CNTNAP5: variants seen among roughly 807,000 people sequenced by gnomAD.
CNTNAP5 encodes contactin-associated protein-like 5.
Under a neutral mutation model 150.2 loss-of-function variants are expected in CNTNAP5, and 72 were observed. The observed-to-expected ratio is 0.48, with a 90% confidence interval of 0.40 to 0.58. The LOEUF is 0.58. Ranked by LOEUF, CNTNAP5 falls within the 20% of genes least tolerant of loss-of-function variation. CNTNAP5 has a pLI of 0.00. For missense variants in CNTNAP5, 1,636 were observed against 1,626.2 expected (o/e 1.01, Z -0.10); for synonymous variants, 672 against 619.8 (o/e 1.08, Z -1.25).
chr2:124,285,006 C>G (rs1188366331), intron 3 of CNTNAP5, among the ~76,000 whole-genome samples: 1 of 152,154 alleles, frequency 6.6e-6, no homozygotes, highest in East Asian at 1.9e-4. Flanking sequence ...CAGCCTCAAT[C>G]TCCTCGGCTC....
intron 3 of CNTNAP5, among the ~76,000 whole-genome samples, chr2:124,298,090 A>T (rs906051932): frequency 4.6e-4 from 70 of 152,090 alleles, no homozygotes; most frequent in African/African-American, 1.6e-3. Context: ...TGATCTGCCC[A>T]TCTCAGCCTC....
chr2:124,129,408 G>T (rs1318778955), intron 1 of CNTNAP5, among the ~76,000 whole-genome samples: 1 of 152,116 alleles, frequency 6.6e-6, no homozygotes, highest in Non-Finnish European at 1.5e-5. Flanking sequence ...GCTAAGAACT[G>T]TGTGGCCAAG....
intron 3 of CNTNAP5, among the ~76,000 whole-genome samples, chr2:124,302,036 G>A (rs1422562664): frequency 6.6e-6 from 1 of 152,144 alleles, no homozygotes; most frequent in Non-Finnish European, 1.5e-5. Flanking sequence ...CCCTAAGATG[G>A]CATACACAGA....
chr2:124,184,625 CAACCTATTA>C (rs1304873833), intron 1 of CNTNAP5, among the ~76,000 whole-genome samples: 1 of 152,156 alleles, frequency 6.6e-6, no homozygotes, highest in Non-Finnish European at 1.5e-5. Flanking sequence ...ATTCAAGGGA[CAACCTATTA>C]AAATCTGCAT....
At chr2:124,664,843 T>C (rs1404325266) in intron 13 of CNTNAP5, among the ~76,000 whole-genome samples, 5 of 152,168 alleles carry the variant, frequency 3.3e-5, no homozygotes, top group Admixed American at 6.5e-5. Flanking sequence ...TGTGCCACCA[T>C]GCCCACCTCA....
intron 1 of CNTNAP5, among the ~76,000 whole-genome samples, chr2:124,217,279 C>A (rs1170605): frequency 1.6e-4 from 24 of 152,078 alleles, no homozygotes; most frequent in African/African-American, 5.1e-4. Flanking sequence ...TTTCTTCACC[C>A]CTTCTTCTTT....
At chr2:124,280,118 A>C (rs528640460) in intron 3 of CNTNAP5, among the ~76,000 whole-genome samples, 2 of 151,972 alleles carry the variant, frequency 1.3e-5, no homozygotes, top group South Asian at 4.2e-4. Context: ...TTTCTGTTTA[A>C]ACATCTCAGC....
Position 124,109,088 on chromosome 2 carries a change from T to G in CNTNAP5, c.82+83356T>G, listed in dbSNP as rs148943493. 3.6e-3 allele frequency among the ~76,000 whole-genome samples: 555 copies of G among 152,302 alleles called. 2 individuals are homozygous for G. Among genetic ancestry groups the G allele is most frequent in the African/African-American group, 0.013 (535 of 41,568 alleles). ...TGTGAGGTCTTCAATCACGGGCAGC[T>G]TCCTGAGCCGGCAGCCAGTGAGGTC... is the stretch of plus-strand genomic sequence containing the variant. On this transcript the variant is annotated intron_variant, in intron 1 of 23. Transcript: ENST00000682447.
intron 13 of CNTNAP5, among the ~76,000 whole-genome samples, chr2:124,684,667 A>G (rs1679151501): frequency 6.6e-6 from 1 of 152,216 alleles, no homozygotes; most frequent in African/African-American, 2.4e-5. Flanking sequence ...CTTGCGGAGT[A>G]GTCTTGTGAT....
chr2:124,264,371 C>A (rs1687544271), intron 3 of CNTNAP5, among the ~76,000 whole-genome samples: 1 of 54,688 alleles, frequency 1.8e-5, no homozygotes, highest in African/African-American at 6.4e-5. Flanking sequence ...CCCACACACA[C>A]AGGCACACAC....
At chr2:124,315,270 G>A (rs748139654) in intron 3 of CNTNAP5, among the ~76,000 whole-genome samples, 37 of 152,074 alleles carry the variant, frequency 2.4e-4, no homozygotes, top group Admixed American at 7.2e-4. Flanking sequence ...CCCCTAATAC[G>A]CCTTTCTGTC....
intron 19 of CNTNAP5, among the ~76,000 whole-genome samples, chr2:124,850,018 TA>T (rs1683123546): frequency 6.6e-6 from 1 of 152,146 alleles, no homozygotes; most frequent in Admixed American, 6.6e-5. Context: ...CCAACCCAAT[TA>T]AACAGACCTA....
chr2:124,856,609 T>C (rs1412598293), intron 19 of CNTNAP5, among the ~76,000 whole-genome samples: 1 of 152,174 alleles, frequency 6.6e-6, no homozygotes, highest in Non-Finnish European at 1.5e-5. Context: ...GCATTTTATT[T>C]GGACTTTTAG....
intron 1 of CNTNAP5, among the ~76,000 whole-genome samples, chr2:124,071,184 A>G (rs1682294595): frequency 6.6e-6 from 1 of 151,968 alleles, no homozygotes; most frequent in African/African-American, 2.4e-5. Flanking sequence ...TATGGAATAC[A>G]GTGAAACCAT....
intron 3 of CNTNAP5, among the ~76,000 whole-genome samples, chr2:124,246,261 G>A (rs931706142): frequency 1.3e-5 from 2 of 152,016 alleles, no homozygotes; most frequent in South Asian, 4.1e-4. Flanking sequence ...TGCAATGTAC[G>A]GTAGCAATTT....
At chr2:124,321,393 A>G (rs1189419597) in intron 3 of CNTNAP5, among the ~76,000 whole-genome samples, 2 of 151,970 alleles carry the variant, frequency 1.3e-5, no homozygotes, top group Non-Finnish European at 2.9e-5. Context: ...CAGTGAGCCA[A>G]GATTGTGCCA....
At chr2:124,046,519 G>A (rs1052890312) in intron 1 of CNTNAP5, among the ~76,000 whole-genome samples, 4 of 151,230 alleles carry the variant, frequency 2.6e-5, no homozygotes, top group African/African-American at 9.7e-5. Flanking sequence ...GCCGCCTCCT[G>A]CTGAGAAACC....
At chr2:124,473,935 C>T (rs1573397820) in intron 6 of CNTNAP5, among the ~76,000 whole-genome samples, 1 of 151,976 alleles carries the variant, frequency 6.6e-6, no homozygotes, top group East Asian at 1.9e-4. Context: ...CAAAGTGAAC[C>T]ACTATTAAAT....
intron 2 of CNTNAP5, among the ~76,000 whole-genome samples, chr2:124,227,547 C>A (rs977823462): frequency 2.6e-5 from 4 of 151,722 alleles, no homozygotes; most frequent in African/African-American, 9.7e-5. Context: ...AAATACTTGT[C>A]AAAGTATAAT....
Sources: allele counts gnomAD v4.1 joint callset (sites outside exome capture counted in the v4.1 genomes callset), GRCh38; gene constraint gnomAD v4.1.1; transcripts MANE v1.5; gene names NCBI Gene and HGNC (gene_info 2026-07-23, HGNC 2026-07-21).